Variants in NASP observed in about 807,000 individuals in gnomAD.
The protein encoded by NASP is NASP histone chaperone.
In NASP, 24 loss-of-function variants were observed where a neutral mutation model predicts 89.5. That is an observed-to-expected ratio of 0.27 (90% CI 0.19 to 0.38). NASP has a LOEUF of 0.38. Among genes scored for constraint, NASP ranks in the 10% least tolerant of loss-of-function variants. The pLI, the probability that NASP is intolerant of heterozygous loss-of-function variation, is 1.00. For synonymous variants in NASP, 306 were observed against 324.7 expected, an observed-to-expected ratio of 0.94 and a Z score of 0.62; for missense variants, 848 against 921.4, an observed-to-expected ratio of 0.92 and a Z score of 1.03.
Position 45,603,860 on chromosome 1 carries a change from C to T in NASP, c.219-1076C>T, listed in dbSNP as rs148945700. ...CCGACCTCAGGTGATTCACCTACCT[C>T]GGCCTCCCAAAGTTCTGGGATTACA... is the stretch of plus-strand genomic sequence containing the variant. On this transcript the variant is annotated intron_variant, in intron 3 of 14. Coordinates refer to ENST00000350030, the MANE Select transcript of NASP (RefSeq NM_002482.4). 3.0e-3 allele frequency among the ~76,000 whole-genome samples: 460 copies of T among 152,292 alleles called. 4 individuals are homozygous for T. The highest frequency in any genetic ancestry group is 0.022 in the East Asian group (115 of 5,188).
At chr1:45,604,908 A>C (rs753502519) in intron 3 of NASP, 28 bp from the exon 4 acceptor site, 24 of 1,496,596 alleles carry the variant, frequency 1.6e-5, no homozygotes, top group South Asian at 5.8e-5. Context: ...ATGGTAATTC[A>C]GATTTTAGAT....
At chr1:45,584,281 G>A in intron 1 of NASP, 76 bp downstream of exon 1, 1 of 1,393,074 alleles carries the variant, frequency 7.2e-7, no homozygotes, top group East Asian at 2.5e-5. Context: ...TCCGGAGAAG[G>A]GGCAGACCGG....
Position 45,607,382 on chromosome 1 carries a change from C to A in NASP, c.471C>A (p.Ala157=), listed in dbSNP as rs1553171797. The A allele has an allele frequency of 6.2e-7, 1 of 1,613,418 alleles. No individual in the cohort carries two copies. The highest frequency in any genetic ancestry group is 2.2e-5 in the East Asian group (1 of 44,870). ...VYDAMGEKEE[A]KKTEDKSLAK... ...ACGCCATGGGAGAAAAAGAAGAAGCCAAAAAAACAGAAGACAAGTCTTTGG... is the reference window on the plus strand; with the variant it reads ...ACGCCATGGGAGAAAAAGAAGAAGCAAAAAAAACAGAAGACAAGTCTTTGG... Residue 157 remains alanine (A), a synonymous_variant, in exon 6 of 15, where the codon GCC becomes GCA. Coordinates refer to ENST00000350030, the MANE Select transcript of NASP (RefSeq NM_002482.4).
At chr1:45,593,010 T>C (rs1448702249) in intron 2 of NASP, among the ~76,000 whole-genome samples, 1 of 152,188 alleles carries the variant, frequency 6.6e-6, no homozygotes, top group Non-Finnish European at 1.5e-5. Flanking sequence ...CACTCTAATA[T>C]ATAGATTTTG....
intron 6 of NASP, 80 bp downstream of exon 6, chr1:45,608,417 T>G (rs1049744758): frequency 1.8e-5 from 26 of 1,433,244 alleles, no homozygotes; most frequent in Non-Finnish European, 2.4e-5. Flanking sequence ...AAGTCAGCCT[T>G]CCATTCAGGA....
chr1:45,613,987 G>C, intron 7 of NASP, 109 bp from the exon 8 acceptor site: 1 of 798,560 alleles, frequency 1.3e-6, no homozygotes, highest in Non-Finnish European at 2.0e-6. Flanking sequence ...TAGGGAGAAA[G>C]TCCAAATTTT....
intron 3 of NASP, among the ~76,000 whole-genome samples, chr1:45,603,369 C>T (rs1643874796): frequency 6.6e-6 from 1 of 152,202 alleles, no homozygotes; most frequent in Admixed American, 6.5e-5. Context: ...TAAGTTAAAT[C>T]TTCCTTATAA....
At chr1:45,602,228 A>T (rs1412280307) in intron 2 of NASP, 27 bp from the exon 3 acceptor site, 29 of 1,604,580 alleles carry the variant, frequency 1.8e-5, no homozygotes, top group Non-Finnish European at 2.5e-5. Flanking sequence ...ACAGTACTTG[A>T]CACTAGAAAA....
At chr1:45,616,914 G>A (rs555935294) in intron 13 of NASP, among the ~76,000 whole-genome samples, 138 of 152,162 alleles carry the variant, frequency 9.1e-4, no homozygotes, top group Non-Finnish European at 1.6e-3. Context: ...GCGCAGTCTC[G>A]GCTCACTGAA....
At chr1:45,594,876 C>A in intron 2 of NASP, 1 of 300,618 alleles carries the variant, frequency 3.3e-6, no homozygotes, top group Non-Finnish European at 7.2e-6. Context: ...CATTATTAGT[C>A]TCACCTTAAA....
chr1:45,617,407 T>G, intron 13 of NASP, 56 bp from the exon 14 acceptor site: 1 of 1,569,534 alleles, frequency 6.4e-7, no homozygotes, highest in African/African-American at 1.4e-5. Flanking sequence ...TGTTTTGCAG[T>G]TGTCTTTTTA....
chr1:45,595,261 T>C (rs1643667932), intron 2 of NASP, among the ~76,000 whole-genome samples: 1 of 151,606 alleles, frequency 6.6e-6, no homozygotes, highest in Non-Finnish European at 1.5e-5. Flanking sequence ...GCTCCCTCCT[T>C]AGCCTCCTGA....
rs746762480 is a variant in NASP, at chr1:45,591,203, C to G, written c.60-20C>G. 3 of 1,464,070 alleles carry G rather than the reference C, an allele frequency of 2.0e-6. No individual in the cohort carries two copies. Among genetic ancestry groups the G allele is most frequent in the South Asian group, 1.3e-5 (1 of 74,494 alleles). The allele number at this position is 1,464,070 out of a possible 1,614,324, so 90.7% of individuals were successfully genotyped here. A position where few individuals can be genotyped will look rare whatever the true frequency, so the allele number is the denominator to read the frequency against. ...TTGCCTCCAGTTTTACATTTTTTCC[C>G]CTTTAATTTTTTATTACAGAATTGA... On this transcript the variant is annotated intron_variant, in intron 1 of 14. Transcript: ENST00000350030.
rs146080559 is a variant in NASP at position 45,614,297 on chromosome 1, G to A, written c.1597G>A (p.Glu533Lys). 744 of 1,613,598 alleles carry A rather than the reference G, an allele frequency of 4.6e-4. No individual in the cohort carries two copies. The highest frequency in any genetic ancestry group is 5.9e-4 in the Non-Finnish European group (701 of 1,179,684). ...DLAKIIFKRQ[E>K]TKEAQLYAAQ... ...GATCAATTTTCCTTCTTTTAGGCAA[G>A]AAACAAAAGAAGCACAGCTTTATGC... The change falls in exon 9 of 15, where the codon GAA becomes AAA. Residue 533 changes from glutamate (E) to lysine (K), a missense_variant. Coordinates refer to ENST00000350030, the MANE Select transcript of NASP (RefSeq NM_002482.4).
chr1:45,588,330 C>G (rs182559056), intron 1 of NASP, among the ~76,000 whole-genome samples: 79 of 152,262 alleles, frequency 5.2e-4, no homozygotes, highest in Non-Finnish European at 8.7e-4. Flanking sequence ...TCTCGAACTC[C>G]TGACCTCAGG....
chr1:45,614,821 G>A (rs1270766566), intron 9 of NASP, 192 bp from the exon 10 acceptor site: 2 of 552,750 alleles, frequency 3.6e-6, no homozygotes, highest in Non-Finnish European at 6.3e-6. Context: ...ACAGGTGTGA[G>A]CCACCACGCC....
chr1:45,597,298 CTTTTT>C (rs71056314), intron 2 of NASP, among the ~76,000 whole-genome samples: 12 of 99,868 alleles, frequency 1.2e-4, no homozygotes, highest in Non-Finnish European at 2.0e-4. Context: ...CAGAGCAAGA[CTTTTT>C]TTTTTTTTTT....
Position 45,618,041 on chromosome 1 carries a change from A to G in NASP, c.2287-20A>G, listed in dbSNP as rs1192644657. The G allele has an allele frequency of 1.9e-6, 3 of 1,588,226 alleles. No individual in the cohort carries two copies. The highest frequency in any genetic ancestry group is 1.7e-4 in the Middle Eastern group (1 of 6,028). ...GCTTAAACTAGGCTCACTCATGCCC[A>G]GGTTCTGTTTGTCTTCCAGGCTGAG... On this transcript the variant is annotated intron_variant, in intron 14 of 14. Coordinates refer to ENST00000350030, the MANE Select transcript of NASP (RefSeq NM_002482.4).
chr1:45,589,994 C>G (rs944777604), intron 1 of NASP, among the ~76,000 whole-genome samples: 1 of 152,194 alleles, frequency 6.6e-6, no homozygotes, highest in African/African-American at 2.4e-5. Flanking sequence ...GTCCTCAGAG[C>G]ATGGTTCTAG....
Sources: allele counts gnomAD v4.1 joint callset (sites outside exome capture counted in the v4.1 genomes callset), GRCh38; gene constraint gnomAD v4.1.1; transcripts MANE v1.5; gene names NCBI Gene and HGNC (gene_info 2026-07-23, HGNC 2026-07-21).